Variants in DPH6 observed in about 807,000 individuals in gnomAD.
DPH6 encodes diphthine--ammonia ligase.
In DPH6, 33 loss-of-function variants were observed where a neutral mutation model predicts 38.2. That is an observed-to-expected ratio of 0.86 (90% CI 0.65 to 1.15). DPH6 has a LOEUF of 1.15. Ranked by LOEUF, DPH6 falls within the 50% of genes most tolerant of loss-of-function variation. DPH6 has a pLI of 0.00. For synonymous variants in DPH6, 108 were observed against 103.0 expected, an observed-to-expected ratio of 1.05 and a Z score of -0.30; for missense variants, 325 against 320.0, an observed-to-expected ratio of 1.02 and a Z score of -0.12.
At chr15:35,310,895 CAA>C (rs532692414) in intron 3 of DPH6, among the ~76,000 whole-genome samples, 6 of 130,260 alleles carry the variant, frequency 4.6e-5, no homozygotes, top group African/African-American at 8.3e-5. Flanking sequence ...ACTAAAAATA[CAA>C]AAAAAAAAAA....
chr15:35,491,373 A>C (rs2141172799), intron 3 of DPH6, among the ~76,000 whole-genome samples: 1 of 152,114 alleles, frequency 6.6e-6, no homozygotes, highest in Middle Eastern at 3.4e-3. Flanking sequence ...TATAAGGAAA[A>C]ATTTTCTACA....
the DPH6 span, among the ~76,000 whole-genome samples, chr15:35,184,752 C>G: frequency 6.6e-6 from 1 of 152,238 alleles, no homozygotes; most frequent in East Asian, 1.9e-4. Flanking sequence ...TTTTCAAACT[C>G]AGTAGGTTAT....
chr15:35,305,797 TA>T (rs1286308345), intron 3 of DPH6, among the ~76,000 whole-genome samples: 1 of 152,170 alleles, frequency 6.6e-6, no homozygotes, highest in Non-Finnish European at 1.5e-5. Flanking sequence ...ATTAAAGTAG[TA>T]AAAAATTAGC....
At chr15:35,522,558 C>G (rs889722156) in intron 3 of DPH6, among the ~76,000 whole-genome samples, 1 of 151,624 alleles carries the variant, frequency 6.6e-6, no homozygotes, top group Non-Finnish European at 1.5e-5. Context: ...AAGAACCAAC[C>G]CTGAAAGAAA....
intron 3 of DPH6, among the ~76,000 whole-genome samples, chr15:35,364,852 A>G (rs1814434371): frequency 9.2e-5 from 14 of 152,036 alleles, no homozygotes; most frequent in Admixed American, 9.2e-4. Context: ...GCTTTTAAAC[A>G]TTGCATCTTC....
intron 3 of DPH6, chr15:35,520,517 A>C: frequency 2.0e-6 from 2 of 984,690 alleles, no homozygotes; most frequent in Non-Finnish European, 2.4e-6. Context: ...AATCCAATTA[A>C]GTACAGTGTC....
At chr15:35,237,351 T>A in intron 3 of DPH6, 2 of 1,595,876 alleles carry the variant, frequency 1.3e-6, no homozygotes, top group Non-Finnish European at 1.7e-6. Context: ...CGGATTCATT[T>A]AGAGCTGCGG....
chr15:35,198,137 GT>G, the DPH6 span, among the ~76,000 whole-genome samples: 7 of 147,024 alleles, frequency 4.8e-5, no homozygotes, highest in Middle Eastern at 3.6e-3. Flanking sequence ...TACTCTAGTT[GT>G]TTTTTTTTTC....
the DPH6 span, among the ~76,000 whole-genome samples, chr15:35,170,223 C>G: frequency 6.6e-6 from 1 of 152,146 alleles, no homozygotes; most frequent in Non-Finnish European, 1.5e-5. Context: ...TGGAAATTAA[C>G]CAGTTGGTCA....
intron 3 of DPH6, among the ~76,000 whole-genome samples, chr15:35,463,562 G>A (rs2054091361): frequency 6.6e-6 from 1 of 152,010 alleles, no homozygotes; most frequent in African/African-American, 2.4e-5. Context: ...ATGATATAAG[G>A]CTAAGCGAAG....
chr15:35,239,921 C>T (rs915765850), intron 3 of DPH6, among the ~76,000 whole-genome samples: 1 of 141,496 alleles, frequency 7.1e-6, no homozygotes, highest in Non-Finnish European at 1.5e-5. Flanking sequence ...CCTCTTATCT[C>T]TGTGCCCCAA....
chr15:35,367,161 C>T (rs1414355663), downstream of DPH6, among the ~76,000 whole-genome samples: 2 of 151,404 alleles, frequency 1.3e-5, no homozygotes, highest in Admixed American at 6.6e-5. Context: ...ATTATTTCAA[C>T]AAAAAATAAA....
At chr15:35,477,584 A>T (rs188964972) in intron 3 of DPH6, among the ~76,000 whole-genome samples, 1 of 151,840 alleles carries the variant, frequency 6.6e-6, no homozygotes, top group African/African-American at 2.4e-5. Flanking sequence ...TATTTTAAAA[A>T]CCTACAGTAC....
chr15:35,200,328 C>G, the DPH6 span, among the ~76,000 whole-genome samples: 1 of 151,974 alleles, frequency 6.6e-6, no homozygotes, highest in Non-Finnish European at 1.5e-5. Flanking sequence ...TCAAATCTTG[C>G]TTTTTGCATA....
intron 3 of DPH6, among the ~76,000 whole-genome samples, chr15:35,470,908 A>G (rs1470659744): frequency 2.0e-5 from 3 of 152,188 alleles, no homozygotes; most frequent in African/African-American, 7.2e-5. Context: ...ATGTATCTTA[A>G]TTAGTATAGG....
intron 6 of DPH6, among the ~76,000 whole-genome samples, chr15:35,409,093 G>T (rs957712093): frequency 1.3e-5 from 2 of 151,830 alleles, no homozygotes; most frequent in African/African-American, 4.8e-5. Flanking sequence ...CCAAGCACAG[G>T]TAGGGCCTCA....
chr15:35,257,065 T>C (rs1329568218), intron 3 of DPH6, among the ~76,000 whole-genome samples: 2 of 152,134 alleles, frequency 1.3e-5, no homozygotes, highest in African/African-American at 4.8e-5. Context: ...GGGAAAAGAA[T>C]GGCATCATTA....
intron 3 of DPH6, among the ~76,000 whole-genome samples, chr15:35,336,614 T>C (rs2052375090): frequency 6.6e-6 from 1 of 152,172 alleles, no homozygotes; most frequent in Admixed American, 6.6e-5. Context: ...TTTTGAGATA[T>C]GTCCCATCAA....
chr15:35,243,524 A>G (rs2929132), intron 3 of DPH6, among the ~76,000 whole-genome samples: 101,968 of 139,462 alleles, frequency 0.73, 38,945 homozygotes, highest in Non-Finnish European at 0.83. Flanking sequence ...CCCCGCCTTA[A>G]CTGATGACAT....
Sources: gnomAD v4.1 joint callset for allele counts (sites outside exome capture counted in the v4.1 genomes callset) on GRCh38, gnomAD v4.1.1 for gene constraint, MANE v1.5 for transcripts, NCBI Gene and HGNC (gene_info 2026-07-23, HGNC 2026-07-21) for gene names.